Variants in IQGAP2 observed in about 807,000 individuals in gnomAD.
The protein encoded by IQGAP2 is ras GTPase-activating-like protein IQGAP2.
IQGAP2 carries 173 observed loss-of-function variants against 201.3 expected under a neutral mutation model. The observed-to-expected ratio is 0.86, with a 90% CI of 0.76 to 0.98. The LOEUF (loss-of-function observed/expected upper bound fraction) is 0.98, where lower values mean the gene tolerates loss of function less well. Among genes scored for constraint, IQGAP2 ranks in the 50% least tolerant of loss-of-function variants. The pLI is 0.00. For missense variants in IQGAP2, 1,687 were observed against 1,864.8 expected, an observed-to-expected ratio of 0.90 and a Z score of 1.76; for synonymous variants, 675 against 673.9, an observed-to-expected ratio of 1.00 and a Z score of -0.03.
chr5:76,466,259 C>T (rs6889770), intron 2 of IQGAP2, among the ~76,000 whole-genome samples: 3,792 of 152,172 alleles, frequency 0.025, 174 homozygotes, highest in African/African-American at 0.087. Context: ...GAAGATCACT[C>T]AGGAGGCTGA....
Position 76,631,852 on chromosome 5 carries a change from T to G in IQGAP2, c.1613-7T>G. ...ATTAACAAGAAACTTTTTTTTCAATTACCCAGGGGTTACTCTGGTGGTTGA... is the reference window on the plus strand; with the variant it reads ...ATTAACAAGAAACTTTTTTTTCAATGACCCAGGGGTTACTCTGGTGGTTGA... On this transcript the variant is annotated splice_polypyrimidine_tract_variant and splice_region_variant and intron_variant, in intron 14 of 35. Transcript: ENST00000274364. 1 of 1,540,996 alleles carries G rather than the reference T, an allele frequency of 6.5e-7. No individual in the cohort carries two copies. The highest frequency in any genetic ancestry group is 2.3e-5 in the East Asian group (1 of 43,114).
chr5:76,622,152 C>G (rs1416509764), intron 13 of IQGAP2, among the ~76,000 whole-genome samples: 1 of 152,098 alleles, frequency 6.6e-6, no homozygotes, highest in Non-Finnish European at 1.5e-5. Context: ...TTCACTGCCT[C>G]TTTGTTTCCT....
intron 1 of IQGAP2, among the ~76,000 whole-genome samples, chr5:76,415,201 A>G (rs890034794): frequency 1.6e-4 from 24 of 152,236 alleles, no homozygotes; most frequent in African/African-American, 5.5e-4. Flanking sequence ...TGTTTTGGAA[A>G]AATATGTTTT....
At chr5:76,692,770 T>A (rs908535294) in intron 30 of IQGAP2, among the ~76,000 whole-genome samples, 2 of 152,224 alleles carry the variant, frequency 1.3e-5, no homozygotes, top group African/African-American at 4.8e-5. Context: ...GCTCAGGCCC[T>A]TGAACACCAT....
rs536540770 is a variant in IQGAP2 at position 76,452,178 on chromosome 5, G to C, written c.47-9392G>C. Among the ~76,000 whole-genome samples the C allele has an allele frequency of 2.0e-5, 3 of 147,074 alleles. No individual in the cohort carries two copies. In the South Asian group the frequency reaches 6.3e-4, roughly 31 times the overall value. On this transcript the variant is annotated intron_variant, in intron 1 of 35. Transcript: ENST00000274364. ...ATCTGACCTCAGGTGATCTACCCGAGTGCTGGGATTATAGGCGTGAGCCAC... is the reference window on the plus strand; with the variant it reads ...ATCTGACCTCAGGTGATCTACCCGACTGCTGGGATTATAGGCGTGAGCCAC...
intron 2 of IQGAP2, among the ~76,000 whole-genome samples, chr5:76,520,542 C>A (rs1344701174): frequency 6.6e-6 from 1 of 152,088 alleles, no homozygotes; most frequent in Non-Finnish European, 1.5e-5. Context: ...ATTTAAATTC[C>A]TTTGCCATTT....
At chr5:76,523,153 T>C (rs1758788932) in intron 2 of IQGAP2, among the ~76,000 whole-genome samples, 1 of 147,206 alleles carries the variant, frequency 6.8e-6, no homozygotes, top group African/African-American at 2.5e-5. Context: ...GGTGTGATCA[T>C]GGCTTACTGC....
intron 1 of IQGAP2, among the ~76,000 whole-genome samples, chr5:76,437,301 C>T (rs542960076): frequency 1.8e-3 from 280 of 152,122 alleles, no homozygotes; most frequent in Non-Finnish European, 3.7e-3. Flanking sequence ...AATCTGCCCA[C>T]CTCAGCCTCC....
At chr5:76,514,011 CTTTTTTTTTTTTTT>C (rs70982619) in intron 2 of IQGAP2, among the ~76,000 whole-genome samples, 1 of 65,084 alleles carries the variant, frequency 1.5e-5, no homozygotes, top group African/African-American at 6.9e-5. Flanking sequence ...TATTTGTTGC[CTTTTTTTTTTTTTT>C]TTTTTTTTTT....
chr5:76,406,138 A>G (rs984590120), intron 1 of IQGAP2, among the ~76,000 whole-genome samples: 1 of 152,158 alleles, frequency 6.6e-6, no homozygotes, highest in East Asian at 1.9e-4. Context: ...CAGGGCTGCT[A>G]TGGTCTTTCT....
chr5:76,404,844 AG>A (rs1750710488), intron 1 of IQGAP2, among the ~76,000 whole-genome samples: 1 of 151,112 alleles, frequency 6.6e-6, no homozygotes, highest in Admixed American at 6.6e-5. Context: ...TGGGTTCAAG[AG>A]GGAACGCTGT....
At position 76,604,696 on chromosome 5, in the gene IQGAP2, G is replaced by T. The variant is rs1747677468; in HGVS notation, c.1233-1483G>T. Among the ~76,000 whole-genome samples, 4 of 152,276 alleles carry T rather than the reference G, an allele frequency of 2.6e-5. No homozygotes were observed. The South Asian group carries it at 8.3e-4, about 32-fold the overall frequency. On this transcript the variant is annotated intron_variant, in intron 11 of 35. Coordinates refer to ENST00000274364, the MANE Select transcript of IQGAP2 (RefSeq NM_006633.5). ...CTTTTGGAATGGTCTCCATCTGTGAGGGACACTAACCAGTGCAAGTTACCG... is the reference window on the plus strand; with the variant it reads ...CTTTTGGAATGGTCTCCATCTGTGATGGACACTAACCAGTGCAAGTTACCG...
intron 30 of IQGAP2, among the ~76,000 whole-genome samples, chr5:76,692,064 A>G (rs1746308203): frequency 6.6e-6 from 1 of 152,236 alleles, no homozygotes; most frequent in Non-Finnish European, 1.5e-5. Flanking sequence ...GTGAAACTTC[A>G]GATGTCAATT....
intron 24 of IQGAP2, among the ~76,000 whole-genome samples, chr5:76,672,802 AG>A (rs1744463073): frequency 6.6e-6 from 1 of 151,232 alleles, no homozygotes; most frequent in South Asian, 2.1e-4. Context: ...TTATGCACTA[AG>A]GTATGAAAAT....
intron 2 of IQGAP2, among the ~76,000 whole-genome samples, chr5:76,497,123 C>T (rs780030421): frequency 2.6e-5 from 4 of 152,268 alleles, no homozygotes; most frequent in Middle Eastern, 3.4e-3. Flanking sequence ...CCACTGCGCC[C>T]GGCCCAAATC....
At chr5:76,455,778 G>A (rs908931755) in intron 1 of IQGAP2, among the ~76,000 whole-genome samples, 13 of 152,098 alleles carry the variant, frequency 8.5e-5, no homozygotes, top group African/African-American at 3.1e-4. Context: ...AACTTGTCTT[G>A]TCACTGTTAG....
chr5:76,474,889 T>C (rs1376242744), intron 2 of IQGAP2, among the ~76,000 whole-genome samples: 2 of 152,200 alleles, frequency 1.3e-5, no homozygotes, highest in African/African-American at 2.4e-5. Flanking sequence ...ATTTTGTATT[T>C]TTAGTAGAGA....
chr5:76,470,708 G>T (rs1292569304), intron 2 of IQGAP2, among the ~76,000 whole-genome samples: 1 of 152,076 alleles, frequency 6.6e-6, no homozygotes, highest in Non-Finnish European at 1.5e-5. Context: ...ACCATGCCTG[G>T]CAACTCCCTT....
chr5:76,551,529 G>A (rs909302884), intron 2 of IQGAP2, among the ~76,000 whole-genome samples: 2 of 152,122 alleles, frequency 1.3e-5, no homozygotes, highest in Non-Finnish European at 2.9e-5. Context: ...GTTGTAGCGA[G>A]CCGAGATCAC....
Sources: gnomAD v4.1 joint callset for allele counts (sites outside exome capture counted in the v4.1 genomes callset) on GRCh38, gnomAD v4.1.1 for gene constraint, MANE v1.5 for transcripts, NCBI Gene and HGNC (gene_info 2026-07-23, HGNC 2026-07-21) for gene names.